The following MEP1B variants were observed in gnomAD, a reference collection of about 807,000 sequenced individuals.
MEP1B encodes meprin A subunit beta.
MEP1B carries 80 observed loss-of-function variants against 84.6 expected under a neutral mutation model. The ratio of observed to expected loss-of-function variants is 0.95; its 90% CI spans 0.79 to 1.14. The LOEUF is 1.14. Ranked by LOEUF, MEP1B falls within the 50% of genes most tolerant of loss-of-function variation. The pLI, the probability that MEP1B is intolerant of heterozygous loss-of-function variation, is 0.00. For synonymous variants in MEP1B, 273 were observed against 288.1 expected, an observed-to-expected ratio of 0.95 and a Z score of 0.53; for missense variants, 766 against 855.1, an observed-to-expected ratio of 0.90 and a Z score of 1.30.
chr18:32,200,314 A>G (rs1437169140), intron 5 of MEP1B, among the ~76,000 whole-genome samples: 3 of 152,064 alleles, frequency 2.0e-5, no homozygotes, highest in African/African-American at 4.8e-5. Flanking sequence ...CTTTTGTTCT[A>G]ATTTTTTCAC....
intron 11 of MEP1B, among the ~76,000 whole-genome samples, chr18:32,213,801 C>T (rs2041055867): frequency 6.6e-6 from 1 of 152,180 alleles, no homozygotes; most frequent in Admixed American, 6.5e-5. Context: ...ACTGATGGCC[C>T]TTCTCAAATT....
In MEP1B at chr18:32,196,019, C is replaced by T. The variant is rs1226820584; in HGVS notation, c.250+534C>T. On this transcript the variant is annotated intron_variant, in intron 5 of 14. Transcript: ENST00000269202. The surrounding 1 kb of genome is among the most constrained non-coding windows in gnomAD (Gnocchi z 4.4). ...TGACTGACTGTCCATCTGCCTGTCC[C>T]TCTCTATCCCTGCAAGTTCGGGGAA... The T allele has an allele frequency of 1.3e-4, 47 of 374,370 alleles. No homozygotes were observed. The highest frequency in any genetic ancestry group is 2.2e-4 in the Non-Finnish European group (43 of 196,482). The allele number at this position is 374,370 out of a possible 1,614,324, so 23.2% of individuals were successfully genotyped here.
intron 8 of MEP1B, among the ~76,000 whole-genome samples, chr18:32,207,893 TA>T (rs955597542): frequency 1.3e-4 from 20 of 152,158 alleles, no homozygotes; most frequent in Non-Finnish European, 2.8e-4. Flanking sequence ...AAATTTTTTT[TA>T]AAAAAGACTT....
At chr18:32,204,461 T>C in intron 7 of MEP1B, 101 bp downstream of exon 7, 3 of 956,740 alleles carry the variant, frequency 3.1e-6, no homozygotes, top group Non-Finnish European at 4.7e-6. Context: ...TTTTAAAACT[T>C]TGATGTTTTG....
At chr18:32,209,440 T>A (rs1451971000) in intron 9 of MEP1B, among the ~76,000 whole-genome samples, 2 of 148,612 alleles carry the variant, frequency 1.3e-5, no homozygotes, top group African/African-American at 2.5e-5. Context: ...TGAGCTGAGA[T>A]CATACCATTG....
intron 14 of MEP1B, 38 bp from the exon 15 acceptor site, chr18:32,220,193 T>G: frequency 6.4e-7 from 1 of 1,573,392 alleles, no homozygotes; most frequent in Non-Finnish European, 8.7e-7. Flanking sequence ...GTTTTTAAAT[T>G]TAGAAATTAA....
chr18:32,196,389 C>T lies in MEP1B; in HGVS notation c.250+904C>T. 1 of 699,234 alleles carries T rather than the reference C, an allele frequency of 1.4e-6. No homozygotes were observed. Among genetic ancestry groups the T allele is most frequent in the Non-Finnish European group, 2.7e-6 (1 of 377,222 alleles). The allele number at this position is 699,234 out of a possible 1,614,324, so 43.3% of individuals were successfully genotyped here. Reference sequence around the variant, plus strand: ...TCAGGCACTTGAGGTACTCAGAGCTCTCCTTGGTCTTCTCCTGGTCCTCGC... The same window carrying T: ...TCAGGCACTTGAGGTACTCAGAGCTTTCCTTGGTCTTCTCCTGGTCCTCGC... On this transcript the variant is annotated intron_variant, in intron 5 of 14. Coordinates refer to ENST00000269202, the MANE Select transcript of MEP1B (RefSeq NM_005925.3). The surrounding 1 kb of genome is among the most constrained non-coding windows in gnomAD (Gnocchi z 4.4).
intron 5 of MEP1B, among the ~76,000 whole-genome samples, chr18:32,202,665 T>C (rs764258464): frequency 7.2e-5 from 11 of 152,296 alleles, no homozygotes; most frequent in Non-Finnish European, 1.6e-4. Flanking sequence ...CATTAGTGAG[T>C]GAGTGCTAGA....
chr18:32,213,515 T>A lies in MEP1B; in HGVS notation c.1535T>A (p.Met512Lys), dbSNP rs370313688. 3.2e-5 allele frequency: 51 copies of A among 1,613,838 alleles called. No homozygotes were observed. The highest frequency in any genetic ancestry group is 4.3e-5 in the Non-Finnish European group (51 of 1,179,870). The change falls in exon 11 of 15, where the codon ATG (methionine) becomes AAG (lysine). Residue 512 changes from methionine (M) to lysine (K), a missense_variant. Transcript: ENST00000269202. The stretch of plus-strand genomic sequence containing the variant: ...CAAAATCCTGACATTCGACAGCGTA[T>A]GTCCAATCAGCGGAGTATAACTACA... ...LDQNPDIRQR[M>K]SNQRSITTDP... is the part of the protein sequence containing the mutation.
intron 14 of MEP1B, among the ~76,000 whole-genome samples, chr18:32,218,331 G>T (rs1193698020): frequency 6.6e-6 from 1 of 152,162 alleles, no homozygotes; most frequent in African/African-American, 2.4e-5. Flanking sequence ...TTGTTCTAAA[G>T]GTCTTGTAGT....
At chr18:32,210,799 T>C (rs1226257500) in intron 10 of MEP1B, 83 bp downstream of exon 10, 7 of 1,114,936 alleles carry the variant, frequency 6.3e-6, no homozygotes, top group South Asian at 1.4e-5. Context: ...CAATTTACAA[T>C]AGGGCAGGGG....
intron 5 of MEP1B, among the ~76,000 whole-genome samples, chr18:32,197,801 G>A (rs936253522): frequency 6.6e-6 from 1 of 152,182 alleles, no homozygotes; most frequent in African/African-American, 2.4e-5. Flanking sequence ...TGTGTTGCAT[G>A]ATGCTGAAGT....
At chr18:32,218,078 T>C in intron 14 of MEP1B, 113 bp downstream of exon 14, 1 of 872,752 alleles carries the variant, frequency 1.1e-6, no homozygotes, top group Non-Finnish European at 1.8e-6. Flanking sequence ...CTGTTTCCTA[T>C]GCTGGGACAA....
At chr18:32,192,510 A>C (rs1168849406) in intron 2 of MEP1B, 136 bp from the exon 3 acceptor site, 11 of 752,358 alleles carry the variant, frequency 1.5e-5, no homozygotes, top group Non-Finnish European at 2.5e-5. Context: ...CAATCAATCA[A>C]TGTATGTTGA....
rs535147794 is a variant in MEP1B, at chr18:32,207,305, G to A, written c.601G>A (p.Val201Ile). 2.5e-6 allele frequency: 4 copies of A among 1,613,230 alleles called. No homozygotes were observed. The highest frequency in any genetic ancestry group is 3.3e-5 in the Admixed American group (2 of 59,990). ...TGACGATATATCAGATTCCCTGAATGTTCCCTATGATTACACTTCAGTAAT... is the reference window on the plus strand; with the variant it reads ...TGACGATATATCAGATTCCCTGAATATTCCCTATGATTACACTTCAGTAAT... The part of the protein sequence containing the change: ...YSDDISDSLN[V>I]PYDYTSVMHY... Residue 201 changes from valine (V) to isoleucine (I), a missense_variant, in exon 8 of 15, where the codon GTT becomes ATT. Val to Ile is a conservative substitution (Grantham distance 29, BLOSUM62 3). Transcript: ENST00000269202.
intron 6 of MEP1B, among the ~76,000 whole-genome samples, chr18:32,203,795 G>A (rs988736669): frequency 4.6e-5 from 7 of 152,128 alleles, no homozygotes; most frequent in East Asian, 1.9e-4. Flanking sequence ...GAAGGTGAGG[G>A]TGGAGCAGGC....
intron 14 of MEP1B, among the ~76,000 whole-genome samples, chr18:32,218,176 G>A (rs547320823): frequency 6.6e-6 from 1 of 152,282 alleles, no homozygotes; most frequent in Admixed American, 6.5e-5. Flanking sequence ...TTATCCTCCT[G>A]GAATTGTATA....
chr18:32,203,341 G>C (rs1038392676), intron 6 of MEP1B, among the ~76,000 whole-genome samples: 1 of 152,140 alleles, frequency 6.6e-6, no homozygotes, highest in Non-Finnish European at 1.5e-5. Flanking sequence ...CCATGTCTGT[G>C]CTTAAGCTTA....
chr18:32,211,074 G>A (rs1379752845), intron 10 of MEP1B, among the ~76,000 whole-genome samples: 2 of 152,070 alleles, frequency 1.3e-5, no homozygotes, highest in Non-Finnish European at 2.9e-5. Flanking sequence ...GACCAGACTG[G>A]TCAACATATA....
Sources: allele counts gnomAD v4.1 joint callset (sites outside exome capture counted in the v4.1 genomes callset), GRCh38; gene constraint gnomAD v4.1.1; non-coding constraint Gnocchi (gnomAD v3.1); transcripts MANE v1.5; gene names NCBI Gene and HGNC (gene_info 2026-07-23, HGNC 2026-07-21).